Variants in NFASC observed in about 807,000 individuals in gnomAD.
The protein encoded by NFASC is neurofascin, also known as neurofascin homolog.
Under a neutral mutation model 147.5 loss-of-function variants are expected in NFASC, and 43 were observed. That is an observed-to-expected ratio of 0.29 (90% CI 0.23 to 0.38). The LOEUF (loss-of-function observed/expected upper bound fraction) is 0.38. NFASC is among the 10% of genes least tolerant of loss of function. The pLI, the probability that NFASC is intolerant of heterozygous loss-of-function variation, is 1.00. For synonymous variants in NFASC, 622 were observed against 665.5 expected (o/e 0.93, Z 1.01); for missense variants, 1,320 against 1,689.0 (o/e 0.78, Z 3.83).
chr1:204,965,373 A>G (rs1284455363), intron 8 of NFASC, among the ~76,000 whole-genome samples: 1 of 152,230 alleles, frequency 6.6e-6, no homozygotes, highest in African/African-American at 2.4e-5. Context: ...CAAAGCCACC[A>G]GCTCTAGTAT....
chr1:204,993,710 G>A (rs1326788066), intron 24 of NFASC: 3 of 507,854 alleles, frequency 5.9e-6, no homozygotes, highest in Non-Finnish European at 1.2e-5. Flanking sequence ...GCACTGGCCA[G>A]GATTGCTTCC....
intron 2 of NFASC, among the ~76,000 whole-genome samples, chr1:204,932,602 C>T (rs1476625074): frequency 6.6e-6 from 1 of 152,156 alleles, no homozygotes; most frequent in Non-Finnish European, 1.5e-5. Context: ...AGGTCCAGAC[C>T]AATATCTGCC....
At chr1:204,983,612 C>T (rs1574122268) in intron 21 of NFASC, among the ~76,000 whole-genome samples, 1 of 152,294 alleles carries the variant, frequency 6.6e-6, no homozygotes, top group South Asian at 2.1e-4. Context: ...TTCCTCTTCT[C>T]CTGCCCTGGG....
intron 16 of NFASC, chr1:204,977,170 C>T: frequency 3.8e-6 from 4 of 1,066,216 alleles, no homozygotes; most frequent in Non-Finnish European, 4.6e-6. Context: ...TTTGTGCTTC[C>T]AATGACCTCT....
At chr1:204,973,546 A>G in intron 12 of NFASC, 127 bp downstream of exon 12, 1 of 1,195,262 alleles carries the variant, frequency 8.4e-7, no homozygotes, top group Non-Finnish European at 1.2e-6. Context: ...AGGTAAGAGG[A>G]TGTTGGATAG....
intron 1 of NFASC, among the ~76,000 whole-genome samples, chr1:204,909,610 A>C (rs2086866466): frequency 6.6e-6 from 1 of 152,166 alleles, no homozygotes; most frequent in Non-Finnish European, 1.5e-5. Flanking sequence ...TATGAATTAT[A>C]CTTTTGGTGT....
chr1:204,889,191 T>C (rs759836280), intron 1 of NFASC, among the ~76,000 whole-genome samples: 5 of 152,254 alleles, frequency 3.3e-5, no homozygotes, highest in South Asian at 2.1e-4. Context: ...TATTATTTTT[T>C]ACATTTAAGG....
chr1:204,939,004 G>T (rs1319289716), intron 2 of NFASC, among the ~76,000 whole-genome samples: 1 of 144,280 alleles, frequency 6.9e-6, no homozygotes, highest in Non-Finnish European at 1.5e-5. Context: ...TCACCTTCAG[G>T]TAGTTCTATT....
In NFASC at chr1:204,975,324, A is replaced by G; in HGVS notation, c.1612A>G (p.Thr538Ala). ...PEDQVARRGT[T>A]VQLECRVKHD... Reference sequence around the variant, plus strand: ...GGACCAGGTGGCCAGAAGGGGCACCACGGTGCAGCTGGAGTGTCGGGTGAA... The same window carrying G: ...GGACCAGGTGGCCAGAAGGGGCACCGCGGTGCAGCTGGAGTGTCGGGTGAA... Residue 538 changes from threonine (T) to alanine (A), a missense_variant, in exon 15 of 30, where the codon ACG becomes GCG. By Grantham distance (58) the Thr-to-Ala change is moderately conservative (BLOSUM62 0). Coordinates refer to ENST00000339876, the MANE Select transcript of NFASC (RefSeq NM_001005388.3). This position sits in a 1 kb window ranked among gnomAD's most constrained non-coding sequence, Gnocchi z 4.0. 1 of 1,614,072 alleles carries G rather than the reference A, an allele frequency of 6.2e-7. No homozygotes were observed.
At chr1:204,903,503 G>GGT (rs575893361) in intron 1 of NFASC, among the ~76,000 whole-genome samples, 30 of 152,196 alleles carry the variant, frequency 2.0e-4, no homozygotes, top group Non-Finnish European at 4.0e-4. Context: ...GCCTTTGTGG[G>GGT]GTGTCCCCCT....
At chr1:204,983,288 AT>A (rs1022898237) in intron 21 of NFASC, among the ~76,000 whole-genome samples, 1 of 152,180 alleles carries the variant, frequency 6.6e-6, no homozygotes, top group African/African-American at 2.4e-5. Flanking sequence ...CAGGGTCAGA[AT>A]CACTTCCTGA....
At chr1:204,869,453 G>GT (rs1452810646) in intron 1 of NFASC, among the ~76,000 whole-genome samples, 1 of 151,828 alleles carries the variant, frequency 6.6e-6, no homozygotes, top group Non-Finnish European at 1.5e-5. Flanking sequence ...TTTATAATCT[G>GT]TTTTTTACTC....
At chr1:204,856,293 A>T (rs533679247) in intron 1 of NFASC, among the ~76,000 whole-genome samples, 11 of 151,974 alleles carry the variant, frequency 7.2e-5, no homozygotes, top group Non-Finnish European at 1.5e-4. Context: ...ATGAAGCTAC[A>T]CTTCGGGACA....
At chr1:204,878,895 GA>G (rs1558556198) in intron 1 of NFASC, among the ~76,000 whole-genome samples, 2 of 152,234 alleles carry the variant, frequency 1.3e-5, no homozygotes, top group East Asian at 3.8e-4. Context: ...GAGGCAGGGG[GA>G]CAGATCTTTG....
chr1:204,893,588 G>A (rs2082802710), intron 1 of NFASC, among the ~76,000 whole-genome samples: 1 of 152,220 alleles, frequency 6.6e-6, no homozygotes, highest in Admixed American at 6.5e-5. Context: ...AAGATTCCAT[G>A]GTGAGCCGTG....
chr1:205,013,018 G>A, intron 29 of NFASC, 152 bp downstream of exon 29: 1 of 644,456 alleles, frequency 1.6e-6, no homozygotes, highest in Non-Finnish European at 2.8e-6. Flanking sequence ...GTGGCGCTGT[G>A]GTGGAGAGTG....
rs908323703 is a variant in NFASC at position 204,916,945 on chromosome 1, G to A, written c.-199-3687G>A. ...ATAATATCTATATCAGGCTGGGCAC[G>A]GTGGCACATGCCTATAATCCCAGTA... On this transcript the variant is annotated intron_variant, in intron 1 of 29. Coordinates refer to ENST00000339876, the MANE Select transcript of NFASC (RefSeq NM_001005388.3). Among the ~76,000 whole-genome samples the A allele has an allele frequency of 7.9e-5, 12 of 152,224 alleles. No homozygotes were observed. The East Asian group carries it at 1.2e-3, about 15-fold the overall frequency.
At position 205,016,626 on chromosome 1, in the gene NFASC, C is replaced by A; in HGVS notation, c.*87C>A. On this transcript the variant is annotated 3_prime_UTR_variant, in exon 30 of 30. Transcript: ENST00000339876. This position sits in a 1 kb window ranked among gnomAD's most constrained non-coding sequence, Gnocchi z 5.1. ...AACCACTGCAGACCTACCACGAAGC[C>A]ACCACCACCTTCAGTAACAAGGGTA... 2.2e-6 allele frequency: 2 copies of A among 906,832 alleles called. No homozygotes were observed. The highest frequency in any genetic ancestry group is 3.6e-6 in the Non-Finnish European group (2 of 553,558). The allele number at this position is 906,832 out of a possible 1,614,324, so 56.2% of individuals were successfully genotyped here.
Position 204,975,161 on chromosome 1 carries a change from A to G in NFASC, c.1559-110A>G, listed in dbSNP as rs921302212. 1.7e-6 allele frequency: 2 copies of G among 1,207,580 alleles called. No homozygotes were observed. Among genetic ancestry groups the G allele is most frequent in the Non-Finnish European group, 2.3e-6 (2 of 860,072 alleles). The allele number at this position is 1,207,580 out of a possible 1,614,324, so 74.8% of individuals were successfully genotyped here. A position where few individuals can be genotyped will look rare whatever the true frequency, so the allele number is the denominator to read the frequency against. Reference sequence around the variant, plus strand: ...TACCATAGCATACTGTTTGTGCCCCACTCCATAGTTGGCCCAAGGCCTCGA... The same window carrying G: ...TACCATAGCATACTGTTTGTGCCCCGCTCCATAGTTGGCCCAAGGCCTCGA... On this transcript the variant is annotated intron_variant, in intron 14 of 29. Coordinates refer to ENST00000339876, the MANE Select transcript of NFASC (RefSeq NM_001005388.3). This position sits in a 1 kb window ranked among gnomAD's most constrained non-coding sequence, Gnocchi z 4.0.
Sources: allele counts gnomAD v4.1 joint callset (sites outside exome capture counted in the v4.1 genomes callset), GRCh38; gene constraint gnomAD v4.1.1; non-coding constraint Gnocchi (gnomAD v3.1); transcripts MANE v1.5; gene names NCBI Gene and HGNC (gene_info 2026-07-23, HGNC 2026-07-21).